XKR6: variants seen among roughly 807,000 people sequenced by gnomAD.
XKR6 encodes the protein XK related 6, also known as XK-related protein 6.
In XKR6, 22 loss-of-function variants were observed where a neutral mutation model predicts 56.7. That is an observed-to-expected ratio of 0.39 (90% CI 0.28 to 0.55). XKR6 has a LOEUF of 0.55. Among genes scored for constraint, XKR6 ranks in the 20% least tolerant of loss-of-function variants. The pLI, the probability that XKR6 is intolerant of heterozygous loss-of-function variation, is 0.66. For synonymous variants in XKR6, 524 were observed against 387.8 expected (o/e 1.35, Z -4.13); for missense variants, 852 against 889.0 (o/e 0.96, Z 0.53).
At chr8:11,016,218 C>T (rs1798617966) in intron 1 of XKR6, among the ~76,000 whole-genome samples, 1 of 152,186 alleles carries the variant, frequency 6.6e-6, no homozygotes, top group African/African-American at 2.4e-5. Flanking sequence ...CGGGCGGGAC[C>T]TTCCTCCCCG....
rs540862444 is a variant in XKR6, at chr8:11,005,162, C to G, written c.765-80332G>C. ...TAGGGCAGGTAGTGTGTCCAGCATA[C>G]ATACGTGGAACAAAGGGATGATTCA... On this transcript the variant is annotated intron_variant, in intron 1 of 2. Transcript: ENST00000416569. 1.5e-3 allele frequency among the ~76,000 whole-genome samples: 207 copies of G among 135,210 alleles called. 3 individuals carry two copies. Among genetic ancestry groups the G allele is most frequent in the African/African-American group, 6.4e-3 (199 of 30,874 alleles). 88.7% of individuals were successfully genotyped at this position (135,210 alleles called of 152,430 possible).
intron 1 of XKR6, among the ~76,000 whole-genome samples, chr8:11,013,299 T>C (rs1386545770): frequency 6.6e-6 from 1 of 152,216 alleles, no homozygotes; most frequent in Non-Finnish European, 1.5e-5. Context: ...TGTGGTTTTC[T>C]AAAGGTTTCT....
chr8:11,189,576 T>C (rs1563206204), intron 1 of XKR6, among the ~76,000 whole-genome samples: 1 of 152,182 alleles, frequency 6.6e-6, no homozygotes. Context: ...AAATCTAAGA[T>C]GCCTAGTGAT....
intron 1 of XKR6, among the ~76,000 whole-genome samples, chr8:10,930,019 G>A (rs1422983824): frequency 6.6e-6 from 1 of 152,206 alleles, no homozygotes; most frequent in African/African-American, 2.4e-5. Context: ...GCTCGTCTGA[G>A]GCTCAGAAAG....
At chr8:10,950,670 C>T (rs992955469) in intron 1 of XKR6, among the ~76,000 whole-genome samples, 3 of 152,214 alleles carry the variant, frequency 2.0e-5, no homozygotes, top group Admixed American at 2.0e-4. Context: ...CTTAATAATT[C>T]ATTCGTTCAT....
chr8:11,135,034 A>AT (rs35184172), intron 1 of XKR6, among the ~76,000 whole-genome samples: 11,955 of 140,202 alleles, frequency 0.085, 1,468 homozygotes, highest in African/African-American at 0.27. Flanking sequence ...AAATGCACTA[A>AT]TTTTTTTTTT....
At chr8:10,991,585 T>A (rs547341944) in intron 1 of XKR6, among the ~76,000 whole-genome samples, 20 of 152,278 alleles carry the variant, frequency 1.3e-4, no homozygotes, top group Middle Eastern at 6.8e-3. Flanking sequence ...CAAATCAATA[T>A]AAAAGCATAC....
chr8:11,089,240 T>A (rs1797988966), intron 1 of XKR6, among the ~76,000 whole-genome samples: 1 of 152,056 alleles, frequency 6.6e-6, no homozygotes. Flanking sequence ...GGACTGCAAC[T>A]CGACAAGTCA....
Position 11,195,963 on chromosome 8 carries a change from A to G in XKR6, c.764+4613T>C, listed in dbSNP as rs1425856327. ...ATTAAGTTTATGGATAAAATGAAAAAAAAAAAAAAGCTATTTTTACAATTA... is the reference window on the plus strand; with the variant it reads ...ATTAAGTTTATGGATAAAATGAAAAGAAAAAAAAAGCTATTTTTACAATTA... On this transcript the variant is annotated intron_variant, in intron 1 of 2. Coordinates refer to ENST00000416569, the MANE Select transcript of XKR6 (RefSeq NM_173683.4). Among the ~76,000 whole-genome samples the G allele has an allele frequency of 2.0e-5, 3 of 152,048 alleles. No individual in the cohort carries two copies. In the East Asian group the frequency reaches 5.8e-4, roughly 29 times the overall value.
intron 1 of XKR6, among the ~76,000 whole-genome samples, chr8:11,032,323 T>C (rs1234426464): frequency 6.6e-6 from 1 of 152,212 alleles, no homozygotes; most frequent in Admixed American, 6.5e-5. Context: ...GCCTTCTATG[T>C]GTTGCCCGAA....
At chr8:11,174,449 G>A (rs548277198) in intron 1 of XKR6, among the ~76,000 whole-genome samples, 140 of 152,290 alleles carry the variant, frequency 9.2e-4, no homozygotes, top group African/African-American at 3.2e-3. Flanking sequence ...TACGAGCCGA[G>A]CACCGCATCG....
At chr8:11,021,978 C>T (rs907035505) in intron 1 of XKR6, among the ~76,000 whole-genome samples, 7 of 151,740 alleles carry the variant, frequency 4.6e-5, no homozygotes, top group African/African-American at 1.7e-4. Context: ...TCCTTAGCCT[C>T]TGTCTCCAGC....
chr8:11,044,910 A>G (rs1799370520), intron 1 of XKR6, among the ~76,000 whole-genome samples: 1 of 151,324 alleles, frequency 6.6e-6, no homozygotes, highest in African/African-American at 2.4e-5. Flanking sequence ...GAGCCACTGC[A>G]CCCAGCCAAT....
intron 1 of XKR6, among the ~76,000 whole-genome samples, chr8:11,107,030 G>A (rs987798120): frequency 4.0e-5 from 6 of 151,826 alleles, no homozygotes; most frequent in African/African-American, 1.5e-4. Context: ...CCCATCCCCA[G>A]AGCAAAACAT....
At chr8:11,070,794 G>A (rs531987331) in intron 1 of XKR6, among the ~76,000 whole-genome samples, 1 of 152,290 alleles carries the variant, frequency 6.6e-6, no homozygotes, top group Non-Finnish European at 1.5e-5. Context: ...TCAATAATTA[G>A]GTGACTTGCC....
chr8:10,960,206 G>C (rs377222467), intron 1 of XKR6, among the ~76,000 whole-genome samples: 2 of 151,910 alleles, frequency 1.3e-5, no homozygotes, highest in African/African-American at 4.8e-5. Context: ...AGGTACAGCA[G>C]GTGGGTGCAG....
intron 1 of XKR6, among the ~76,000 whole-genome samples, chr8:11,113,264 T>C (rs1291697362): frequency 6.6e-6 from 1 of 152,154 alleles, no homozygotes; most frequent in Non-Finnish European, 1.5e-5. Context: ...AAAAACCTTT[T>C]TGGAATTCTA....
intron 1 of XKR6, among the ~76,000 whole-genome samples, chr8:11,027,261 A>G (rs1338442677): frequency 5.9e-5 from 9 of 152,238 alleles, no homozygotes; most frequent in African/African-American, 2.2e-4. Flanking sequence ...GACCATCCTC[A>G]TATATGCAGT....
intron 1 of XKR6, among the ~76,000 whole-genome samples, chr8:11,178,153 G>A (rs1039170378): frequency 1.3e-5 from 2 of 152,118 alleles, no homozygotes; most frequent in Admixed American, 6.6e-5. Context: ...TTATCTTAAT[G>A]AAAACTACTA....
Sources: allele counts gnomAD v4.1 joint callset (sites outside exome capture counted in the v4.1 genomes callset), GRCh38; gene constraint gnomAD v4.1.1; transcripts MANE v1.5; gene names NCBI Gene and HGNC (gene_info 2026-07-23, HGNC 2026-07-21).